Variants in TBC1D7 observed in about 807,000 individuals in gnomAD.
TBC1D7 encodes TBC domain family 7.
TBC1D7 carries 33 observed loss-of-function variants against 35.3 expected under a neutral mutation model. The observed-to-expected ratio is 0.93, with a 90% CI of 0.71 to 1.25. The LOEUF (loss-of-function observed/expected upper bound fraction) is 1.25. Ranked by LOEUF, TBC1D7 falls within the 50% of genes most tolerant of loss-of-function variation. TBC1D7 has a pLI of 0.00. For synonymous variants in TBC1D7, 135 were observed against 129.5 expected, an observed-to-expected ratio of 1.04 and a Z score of -0.29; for missense variants, 362 against 365.3, an observed-to-expected ratio of 0.99 and a Z score of 0.07.
At chr6:13,312,085 C>T (rs1002595914) in intron 5 of TBC1D7, among the ~76,000 whole-genome samples, 1 of 146,896 alleles carries the variant, frequency 6.8e-6, no homozygotes, top group African/African-American at 2.7e-5. Context: ...CTACTGCTTA[C>T]TAACTGAGAC....
Position 13,321,040 on chromosome 6 carries a change from C to T in TBC1D7, c.249G>A (p.Glu83=), listed in dbSNP as rs1449459848. ...SHAKVMMYRK[E]QYLDVLHALK... ...GGGCATGAAGGACATCCAAGTACTG[C>T]TCCTTACGATACATCATCACCTTGG... Residue 83 remains glutamate, a synonymous_variant, in exon 4 of 8, where the codon GAG becomes GAA. Transcript: ENST00000379300. The T allele has an allele frequency of 1.9e-6, 3 of 1,614,046 alleles. No individual in the cohort carries two copies. The highest frequency in any genetic ancestry group is 1.7e-5 in the Admixed American group (1 of 60,004).
At chr6:13,326,659 C>A in intron 2 of TBC1D7, 128 bp downstream of exon 2, 1 of 528,358 alleles carries the variant, frequency 1.9e-6, no homozygotes, top group Non-Finnish European at 3.3e-6. Context: ...ATACACCATT[C>A]TGCTTCACCA....
chr6:13,312,446 G>A (rs1783287375), intron 5 of TBC1D7, among the ~76,000 whole-genome samples: 1 of 152,078 alleles, frequency 6.6e-6, no homozygotes, highest in African/African-American at 2.4e-5. Context: ...CAGCACTTTG[G>A]GAGGCCGAGT....
At position 13,306,441 on chromosome 6, in the gene TBC1D7, A is replaced by G. The variant is rs747950516; in HGVS notation, c.752T>C (p.Met251Thr). The G allele has an allele frequency of 3.7e-6, 6 of 1,609,322 alleles. No individual in the cohort carries two copies. The highest frequency in any genetic ancestry group is 2.2e-5 in the East Asian group (1 of 44,646). The stretch of plus-strand genomic sequence containing the variant: ...TATCTTCTCTGCACTGTTCAGTGCC[A>G]TAACTTTTATTTTAAAGGTTAATAA... ...EILLTFKIKV[M>T]ALNSAEKITK... Residue 251 changes from methionine to threonine, a missense_variant, in exon 7 of 8, where the codon ATG (methionine) becomes ACG (threonine). Met to Thr is a moderately conservative substitution (Grantham distance 81). Transcript: ENST00000379300.
chr6:13,305,502 G>A (rs1782748681), intron 7 of TBC1D7: 2 of 410,478 alleles, frequency 4.9e-6, no homozygotes, highest in African/African-American at 2.1e-5. Context: ...TTCACAGTAG[G>A]ACATGAGGTA....
At position 13,305,040 on chromosome 6, in the gene TBC1D7, A is replaced by G. The variant is rs1355878703; in HGVS notation, c.*61T>C. 1.5e-6 allele frequency: 2 copies of G among 1,363,234 alleles called. No individual in the cohort carries two copies. Among genetic ancestry groups the G allele is most frequent in the Admixed American group, 4.7e-5 (2 of 42,768 alleles). The allele number at this position is 1,363,234 out of a possible 1,614,324, so 84.4% of individuals were successfully genotyped here. On this transcript the variant is annotated 3_prime_UTR_variant, in exon 8 of 8. Transcript: ENST00000379300. ...TTATTCAATCAGTTTCCCAGATCAC[A>G]TGCCAAGAACACAATGCTCACTGTG...
intron 3 of TBC1D7, among the ~76,000 whole-genome samples, chr6:13,324,363 C>A (rs200236777): frequency 2.0e-3 from 304 of 152,240 alleles, no homozygotes; most frequent in African/African-American, 6.9e-3. Flanking sequence ...CTCCTGACTG[C>A]GTGATCTGCC....
chr6:13,321,852 G>A (rs987816454), intron 3 of TBC1D7, among the ~76,000 whole-genome samples: 12 of 152,060 alleles, frequency 7.9e-5, no homozygotes, highest in African/African-American at 2.9e-4. Context: ...TCCACAGAAT[G>A]CTAACCCCAA....
chr6:13,318,571 G>C (rs372418848), intron 4 of TBC1D7: 16 of 152,176 alleles, frequency 1.1e-4, no homozygotes, highest in African/African-American at 3.4e-4. Flanking sequence ...CTCGATAAAC[G>C]TAAGAAATAT....
rs370471192 is a variant in TBC1D7, at chr6:13,325,121, G to A, written c.166C>T (p.Arg56Cys). Residue 56 changes from arginine to cysteine, a missense_variant, in exon 3 of 8, where the codon CGT (arginine) becomes TGT (cysteine). Coordinates refer to ENST00000379300, the MANE Select transcript of TBC1D7 (RefSeq NM_016495.6). ...SQRFPLPSMYRALVWKVLLGI... is the reference protein window; with the variant it reads ...SQRFPLPSMYCALVWKVLLGI... ...AGAAGCACCTTCCATACCAATGCAC[G>A]GTACATGGACGGGAGAGGGAACCTC... The A allele has an allele frequency of 9.3e-6, 15 of 1,613,108 alleles. No homozygotes were observed. Among genetic ancestry groups the A allele is most frequent in the African/African-American group, 6.7e-5 (5 of 74,854 alleles).
chr6:13,311,181 G>C (rs1384611147), intron 5 of TBC1D7, among the ~76,000 whole-genome samples: 1 of 152,134 alleles, frequency 6.6e-6, no homozygotes, highest in Admixed American at 6.6e-5. Flanking sequence ...AAAAAACTGT[G>C]TCAATAGCAA....
In TBC1D7 at chr6:13,326,970, A is replaced by G; in HGVS notation, c.-8-64T>C. 5.6e-6 allele frequency: 5 copies of G among 889,696 alleles called. No individual in the cohort carries two copies. The South Asian group carries it at 7.6e-5, about 13-fold the overall frequency. The allele number at this position is 889,696 out of a possible 1,614,324, so 55.1% of individuals were successfully genotyped here. A position where few individuals can be genotyped will look rare whatever the true frequency, so the allele number is the denominator to read the frequency against. ...ACGAAGGGGAAAAGTGAGTCTAGAA[A>G]CAAAGAGTCAAGAATTAGAATAATT... On this transcript the variant is annotated intron_variant, in intron 1 of 7. Transcript: ENST00000379300.
chr6:13,324,038 A>G (rs1784234781), intron 3 of TBC1D7, among the ~76,000 whole-genome samples: 1 of 152,240 alleles, frequency 6.6e-6, no homozygotes, highest in South Asian at 2.1e-4. Context: ...GGGATGCCCA[A>G]TAAGGAGCAA....
At chr6:13,320,639 G>A (rs1008660221) in intron 4 of TBC1D7, 2 of 621,394 alleles carry the variant, frequency 3.2e-6, no homozygotes, top group Non-Finnish European at 5.7e-6. Flanking sequence ...CTGGGTAAAG[G>A]GTATATGCAA....
intron 7 of TBC1D7, 86 bp downstream of exon 7, chr6:13,306,312 T>C: frequency 8.1e-7 from 1 of 1,230,684 alleles, no homozygotes. Context: ...TAATTATTTC[T>C]CTGAAATAAT....
At chr6:13,307,918 C>T (rs1011214864) in intron 5 of TBC1D7, among the ~76,000 whole-genome samples, 173 bp from the exon 6 acceptor site, 19 of 152,328 alleles carry the variant, frequency 1.2e-4, no homozygotes, top group Admixed American at 1.1e-3. Flanking sequence ...TCAGCCCTAA[C>T]TAAAGTAACA....
intron 6 of TBC1D7, 22 bp downstream of exon 6, chr6:13,307,578 T>A: frequency 1.2e-6 from 2 of 1,613,082 alleles, no homozygotes; most frequent in South Asian, 1.1e-5. Flanking sequence ...GCCTTCAATA[T>A]GTCTTCGAAA....
At chr6:13,326,643 C>T in intron 2 of TBC1D7, 144 bp downstream of exon 2, 1 of 466,272 alleles carries the variant, frequency 2.1e-6, no homozygotes, top group East Asian at 3.5e-5. Flanking sequence ...AAAATCTTTT[C>T]TCAAAATACA....
intron 3 of TBC1D7, among the ~76,000 whole-genome samples, 173 bp downstream of exon 3, chr6:13,324,921 A>G (rs1037690084): frequency 2.0e-5 from 3 of 152,218 alleles, no homozygotes; most frequent in African/African-American, 4.8e-5. Context: ...TTTCTCTTCT[A>G]TAGTATCATT....
Sources: allele counts gnomAD v4.1 joint callset (sites outside exome capture counted in the v4.1 genomes callset), GRCh38; gene constraint gnomAD v4.1.1; transcripts MANE v1.5; gene names NCBI Gene and HGNC (gene_info 2026-07-23, HGNC 2026-07-21).